The following ATRNL1 variants were observed in gnomAD, a reference collection of about 807,000 sequenced individuals.
ATRNL1 encodes the protein attractin like 1, also known as attractin-like protein 1.
Under a neutral mutation model 182.7 loss-of-function variants are expected in ATRNL1, and 95 were observed. The observed-to-expected ratio is 0.52, with a 90% CI of 0.44 to 0.62. The LOEUF (loss-of-function observed/expected upper bound fraction) is 0.62. Ranked by LOEUF, ATRNL1 falls within the 20% of genes least tolerant of loss-of-function variation. ATRNL1 has a pLI of 0.00. For synonymous variants in ATRNL1, 576 were observed against 568.3 expected (o/e 1.01, Z -0.19); for missense variants, 1,471 against 1,679.5 (o/e 0.88, Z 2.17).
At chr10:115,843,328 G>T (rs1323948118) in intron 27 of ATRNL1, among the ~76,000 whole-genome samples, 2 of 151,990 alleles carry the variant, frequency 1.3e-5, no homozygotes, top group African/African-American at 4.8e-5. Context: ...ATAAGAAACC[G>T]GACCTGTTCT....
At chr10:115,222,708 A>C (rs1168925289) in intron 9 of ATRNL1, among the ~76,000 whole-genome samples, 1 of 152,214 alleles carries the variant, frequency 6.6e-6, no homozygotes, top group Non-Finnish European at 1.5e-5. Context: ...ATATTCTTAA[A>C]AATGTAAGCA....
rs1859536852 is a variant in ATRNL1, at chr10:115,645,362, G to T, written c.3796-81886G>T. On this transcript the variant is annotated intron_variant, in intron 26 of 28. Coordinates refer to ENST00000355044, the MANE Select transcript of ATRNL1 (RefSeq NM_207303.4). ...TCCAAAAAGTAATGCAGTGAAAATT[G>T]TTCTTTCTTCCTTGTTCCTCCTCTA... 2.7e-5 allele frequency among the ~76,000 whole-genome samples: 4 copies of T among 149,006 alleles called. No individual in the cohort carries two copies. The South Asian group carries it at 8.4e-4, about 31-fold the overall frequency.
At chr10:115,714,239 G>A (rs1555055672) in intron 26 of ATRNL1, among the ~76,000 whole-genome samples, 3 of 151,940 alleles carry the variant, frequency 2.0e-5, no homozygotes, top group African/African-American at 4.8e-5. Flanking sequence ...CCTTAGTTCA[G>A]CTAAAAATGG....
chr10:115,793,790 G>C (rs538808176), intron 27 of ATRNL1, among the ~76,000 whole-genome samples: 5 of 152,262 alleles, frequency 3.3e-5, no homozygotes, highest in African/African-American at 1.2e-4. Context: ...AGGAATGACT[G>C]ATTGATAATC....
At chr10:115,520,982 A>T (rs537671986) in intron 25 of ATRNL1, among the ~76,000 whole-genome samples, 4 of 152,322 alleles carry the variant, frequency 2.6e-5, no homozygotes, top group Non-Finnish European at 5.9e-5. Flanking sequence ...CCTTAAAATG[A>T]AATTTGAGGA....
intron 19 of ATRNL1, among the ~76,000 whole-genome samples, chr10:115,367,056 T>A (rs1270482298): frequency 2.8e-4 from 35 of 123,424 alleles, no homozygotes; most frequent in African/African-American, 1.1e-3. Flanking sequence ...CTGAATCTGA[T>A]CGTTGGCCTG....
chr10:115,396,404 CCA>C (rs1554955604), intron 20 of ATRNL1, among the ~76,000 whole-genome samples: 1 of 151,906 alleles, frequency 6.6e-6, no homozygotes, highest in Non-Finnish European at 1.5e-5. Flanking sequence ...ATACAGGTTC[CCA>C]CACTTACAAG....
chr10:115,643,118 G>A (rs192824993), intron 26 of ATRNL1, among the ~76,000 whole-genome samples: 22 of 152,236 alleles, frequency 1.4e-4, no homozygotes, highest in African/African-American at 5.3e-4. Context: ...TCAAGAAAGT[G>A]CAACATTCAT....
At chr10:115,277,804 T>C (rs186138343) in intron 13 of ATRNL1, among the ~76,000 whole-genome samples, 13 of 152,294 alleles carry the variant, frequency 8.5e-5, no homozygotes, top group Admixed American at 8.5e-4. Context: ...TTTTTTTCTT[T>C]ATTGGAAATT....
chr10:115,885,733 C>T (rs1363178567), intron 28 of ATRNL1, among the ~76,000 whole-genome samples: 1 of 152,098 alleles, frequency 6.6e-6, no homozygotes, highest in African/African-American at 2.4e-5. Context: ...ATTTTAGAAG[C>T]GGTATATTGT....
At position 115,174,507 on chromosome 10, in the gene ATRNL1, A is replaced by G. The variant is rs139511644; in HGVS notation, c.1348+3215A>G. Among the ~76,000 whole-genome samples, 701 of 151,904 alleles carry G rather than the reference A, an allele frequency of 4.6e-3. 7 individuals carry two copies. Among genetic ancestry groups the G allele is most frequent in the Middle Eastern group, 0.01 (3 of 294 alleles). ...TTTTGTTTCAAACACAATGATAATT[A>G]TATCATTTTATAATATAAATAAATT... is the stretch of plus-strand genomic sequence containing the variant. On this transcript the variant is annotated intron_variant, in intron 8 of 28. Coordinates refer to ENST00000355044, the MANE Select transcript of ATRNL1 (RefSeq NM_207303.4).
At chr10:115,835,816 G>A (rs1210695285) in intron 27 of ATRNL1, among the ~76,000 whole-genome samples, 3 of 152,080 alleles carry the variant, frequency 2.0e-5, no homozygotes, top group East Asian at 1.9e-4. Context: ...ATGCCCCCTC[G>A]CTGAGGACAG....
chr10:115,418,386 A>C (rs549413659), intron 20 of ATRNL1, among the ~76,000 whole-genome samples: 5 of 152,304 alleles, frequency 3.3e-5, no homozygotes, highest in South Asian at 4.1e-4. Context: ...AAGGTAGGCT[A>C]TTTGAGAACA....
intron 26 of ATRNL1, among the ~76,000 whole-genome samples, chr10:115,679,594 A>G (rs1156600843): frequency 1.3e-5 from 2 of 152,030 alleles, no homozygotes; most frequent in Non-Finnish European, 2.9e-5. Flanking sequence ...CATTTTATCC[A>G]GTTGAAATGT....
At chr10:115,119,239 G>T (rs1363421237) in intron 1 of ATRNL1, among the ~76,000 whole-genome samples, 1 of 152,016 alleles carries the variant, frequency 6.6e-6, no homozygotes, top group Non-Finnish European at 1.5e-5. Context: ...TGTCAACCCT[G>T]ATTTAGGTAA....
At chr10:115,132,333 A>T (rs112286648) in intron 5 of ATRNL1, among the ~76,000 whole-genome samples, 5 of 152,214 alleles carry the variant, frequency 3.3e-5, no homozygotes, top group African/African-American at 4.8e-5. Flanking sequence ...TCTATCATTG[A>T]TGGACATTTG....
At chr10:115,218,066 G>A (rs1451185415) in intron 9 of ATRNL1, among the ~76,000 whole-genome samples, 1 of 151,910 alleles carries the variant, frequency 6.6e-6, no homozygotes, top group Non-Finnish European at 1.5e-5. Flanking sequence ...TATATTTATT[G>A]TGCACTTTAT....
chr10:115,514,326 G>A (rs1429268344), intron 24 of ATRNL1, among the ~76,000 whole-genome samples: 1 of 151,760 alleles, frequency 6.6e-6, no homozygotes, highest in Non-Finnish European at 1.5e-5. Flanking sequence ...TTTTACATTT[G>A]TCTTTATTAT....
At chr10:115,689,326 G>A (rs1309569422) in intron 26 of ATRNL1, among the ~76,000 whole-genome samples, 1 of 152,106 alleles carries the variant, frequency 6.6e-6, no homozygotes, top group Non-Finnish European at 1.5e-5. Flanking sequence ...AGATTGTTGA[G>A]ATGCATTATT....
Sources: allele counts gnomAD v4.1 joint callset (sites outside exome capture counted in the v4.1 genomes callset), GRCh38; gene constraint gnomAD v4.1.1; transcripts MANE v1.5; gene names NCBI Gene and HGNC (gene_info 2026-07-23, HGNC 2026-07-21).